The following CORT variants were observed in gnomAD, a reference collection of about 807,000 sequenced individuals.
The protein encoded by CORT is cortistatin, also known as cortistatin-14.
In CORT, 2 loss-of-function variants were observed where a neutral mutation model predicts 4.4. The ratio of observed to expected loss-of-function variants is 0.46; its 90% CI spans 0.19 to 1.44. The LOEUF (loss-of-function observed/expected upper bound fraction) is 1.44, where lower values mean the gene tolerates loss of function less well. Ranked by LOEUF, CORT falls within the 40% of genes most tolerant of loss-of-function variation. The pLI is 0.26. For missense variants in CORT, 158 were observed against 140.2 expected (o/e 1.13, Z -0.64); for synonymous variants, 72 against 62.0 (o/e 1.16, Z -0.75).
chr1:10,450,967 C>G (rs1640766580), intron 1 of CORT, among the ~76,000 whole-genome samples: 2 of 152,062 alleles, frequency 1.3e-5, no homozygotes, highest in Non-Finnish European at 2.9e-5. Flanking sequence ...GGAGTGTGGC[C>G]AAAGGTGGGA....
At position 10,450,175 on chromosome 1, in the gene CORT, A is replaced by C; in HGVS notation, c.-49A>C. ...AAACATTGATTTCAGGGCTGCCAGG[A>C]AGGAAGAGCAGCAGCAGGGTGGGAG... On this transcript the variant is annotated 5_prime_UTR_variant, in exon 1 of 2. Transcript: ENST00000377049. 6.2e-7 allele frequency: 1 copy of C among 1,610,592 alleles called. No individual in the cohort carries two copies. Among genetic ancestry groups the C allele is most frequent in the Non-Finnish European group, 8.5e-7 (1 of 1,178,566 alleles).
chr1:10,451,805 T>C lies in CORT; in HGVS notation c.*210T>C. On this transcript the variant is annotated 3_prime_UTR_variant, in exon 2 of 2. Coordinates refer to ENST00000377049, the MANE Select transcript of CORT (RefSeq NM_001302.5). The stretch of plus-strand genomic sequence containing the variant: ...AGATTTTTTTGTGGTTCGACTGGAC[T>C]GTGCTGAGTGCGGGCACTGGGCTTT... 2 of 738,700 alleles carry C rather than the reference T, an allele frequency of 2.7e-6. No individual in the cohort carries two copies. The highest frequency in any genetic ancestry group is 4.0e-6 in the Non-Finnish European group (2 of 496,996). The allele number at this position is 738,700 out of a possible 1,614,324, so 45.8% of individuals were successfully genotyped here.
intron 1 of CORT, 83 bp downstream of exon 1, chr1:10,450,405 GCA>G: frequency 7.6e-7 from 1 of 1,312,572 alleles, no homozygotes; most frequent in Non-Finnish European, 9.9e-7. Flanking sequence ...GTGTGTGTGT[GCA>G]CGTGTGTTGC....
rs1315765597 is a variant in CORT, at chr1:10,451,663, A to T, written c.*68A>T. The T allele has an allele frequency of 6.7e-7, 1 of 1,490,928 alleles. No homozygotes were observed. The highest frequency in any genetic ancestry group is 9.0e-7 in the Non-Finnish European group (1 of 1,116,836). 92.4% of individuals were successfully genotyped at this position (1,490,928 alleles called of 1,614,324 possible). A position where few individuals can be genotyped will look rare whatever the true frequency, so the allele number is the denominator to read the frequency against. On this transcript the variant is annotated 3_prime_UTR_variant, in exon 2 of 2. Coordinates refer to ENST00000377049, the MANE Select transcript of CORT (RefSeq NM_001302.5). ...GAATAAAATGTATTAAGCAGCAGTGATCTTTCCTCTCCTCCTTCCCAAGTC... is the reference window on the plus strand; with the variant it reads ...GAATAAAATGTATTAAGCAGCAGTGTTCTTTCCTCTCCTCCTTCCCAAGTC...
rs1570085405 is a variant in CORT at position 10,450,233 on chromosome 1, T to C, written c.10T>C (p.Ser4Pro). Residue 4 changes from serine (S) to proline (P), a missense_variant, in exon 1 of 2, where the codon TCC becomes CCC. By Grantham distance (74) the Ser-to-Pro change is moderately conservative. Transcript: ENST00000377049. MPL[S>P]PGLLLLLLSG... ...CCAGTCAGCCCACAAGATGCCATTGTCCCCCGGCCTCCTGCTGCTGCTGCT... is the reference window on the plus strand; with the variant it reads ...CCAGTCAGCCCACAAGATGCCATTGCCCCCCGGCCTCCTGCTGCTGCTGCT... 17 of 1,587,796 alleles carry C rather than the reference T, an allele frequency of 1.1e-5. No individual in the cohort carries two copies. Among genetic ancestry groups the C allele is most frequent in the Non-Finnish European group, 1.5e-5 (17 of 1,166,562 alleles).
chr1:10,451,788 T>C lies in CORT; in HGVS notation c.*193T>C. 1 of 990,262 alleles carries C rather than the reference T, an allele frequency of 1.0e-6. No homozygotes were observed. The highest frequency in any genetic ancestry group is 1.4e-6 in the Non-Finnish European group (1 of 712,310). The allele number at this position is 990,262 out of a possible 1,614,324, so 61.3% of individuals were successfully genotyped here. On this transcript the variant is annotated 3_prime_UTR_variant, in exon 2 of 2. Transcript: ENST00000377049. ...GTGAAGATCTTTGATAAAGATTTTT[T>C]TGTGGTTCGACTGGACTGTGCTGAG...
Position 10,451,562 on chromosome 1 carries a change from C to A in CORT, c.285C>A (p.Asn95Lys). 1 of 1,613,600 alleles carries A rather than the reference C, an allele frequency of 6.2e-7. No homozygotes were observed. Among genetic ancestry groups the A allele is most frequent in the South Asian group, 1.1e-5 (1 of 91,014 alleles). ...GCCGGGACAGAATGCCCTGCAGGAACTTCTTCTGGAAGACCTTCTCCTCCT... is the reference window on the plus strand; with the variant it reads ...GCCGGGACAGAATGCCCTGCAGGAAATTCTTCTGGAAGACCTTCTCCTCCT... The part of the protein sequence containing the change: ...SARRDRMPCR[N>K]FFWKTFSSCK Residue 95 changes from asparagine (N) to lysine (K), a missense_variant, in exon 2 of 2, where the codon AAC becomes AAA. By Grantham distance (94) the Asn-to-Lys change is moderately conservative (BLOSUM62 0). Transcript: ENST00000377049.
At position 10,451,775 on chromosome 1, in the gene CORT, G is replaced by T; in HGVS notation, c.*180G>T. ...TTTGGAACCCAAAGTGAAGATCTTT[G>T]ATAAAGATTTTTTTGTGGTTCGACT... On this transcript the variant is annotated 3_prime_UTR_variant, in exon 2 of 2. Coordinates refer to ENST00000377049, the MANE Select transcript of CORT (RefSeq NM_001302.5). 3.6e-6 allele frequency: 4 copies of T among 1,104,986 alleles called. No individual in the cohort carries two copies. Among genetic ancestry groups the T allele is most frequent in the Non-Finnish European group, 4.9e-6 (4 of 814,578 alleles). 68.4% of individuals were successfully genotyped at this position (1,104,986 alleles called of 1,614,324 possible).
At position 10,451,273 on chromosome 1, in the gene CORT, A is replaced by T. The variant is rs576145148; in HGVS notation, c.100-104A>T. 1.1e-3 allele frequency: 1,316 copies of T among 1,202,592 alleles called. 9 individuals carry two copies. The African/African-American group carries it at 0.017, about 16-fold the overall frequency. The allele number at this position is 1,202,592 out of a possible 1,614,324, so 74.5% of individuals were successfully genotyped here. ...TTTCTCCAGGGTAGTCTTTTAGATC[A>T]TTTTTTTTTTTAAGTAAGGAGGAGA... On this transcript the variant is annotated intron_variant, in intron 1 of 1. Transcript: ENST00000377049.
Position 10,450,172 on chromosome 1 carries a change from A to C in CORT, c.-52A>C. Reference sequence around the variant, plus strand: ...CCAAAACATTGATTTCAGGGCTGCCAGGAAGGAAGAGCAGCAGCAGGGTGG... The same window carrying C: ...CCAAAACATTGATTTCAGGGCTGCCCGGAAGGAAGAGCAGCAGCAGGGTGG... On this transcript the variant is annotated 5_prime_UTR_variant, in exon 1 of 2. Coordinates refer to ENST00000377049, the MANE Select transcript of CORT (RefSeq NM_001302.5). 1.2e-6 allele frequency: 2 copies of C among 1,610,594 alleles called. No homozygotes were observed. Among genetic ancestry groups the C allele is most frequent in the Non-Finnish European group, 1.7e-6 (2 of 1,178,598 alleles).
chr1:10,450,436 G>C (rs1053963881), intron 1 of CORT, 114 bp downstream of exon 1: 6 of 1,147,350 alleles, frequency 5.2e-6, no homozygotes, highest in Middle Eastern at 3.2e-4. Context: ...GCTTGGACAG[G>C]ACACACGGCT....
chr1:10,450,041 G>A lies in CORT; in HGVS notation c.-183G>A, dbSNP rs749984934. 4.0e-6 allele frequency: 6 copies of A among 1,490,500 alleles called. No individual in the cohort carries two copies. The highest frequency in any genetic ancestry group is 4.4e-5 in the Admixed American group (2 of 44,968). 92.3% of individuals were successfully genotyped at this position (1,490,500 alleles called of 1,614,324 possible). A position where few individuals can be genotyped will look rare whatever the true frequency, so the allele number is the denominator to read the frequency against. ...TGCTCCAGCTTCTGCGTCACTGCGC[G>A]AGGGAAGAGGGAAGAGGATCCAGGC... On this transcript the variant is annotated 5_prime_UTR_variant, in exon 1 of 2. Coordinates refer to ENST00000377049, the MANE Select transcript of CORT (RefSeq NM_001302.5).
intron 1 of CORT, among the ~76,000 whole-genome samples, chr1:10,450,940 C>A (rs922144904): frequency 1.3e-5 from 2 of 152,130 alleles, no homozygotes; most frequent in African/African-American, 4.8e-5. Context: ...TCTCAGAAAG[C>A]AACTTGTGAA....
intron 1 of CORT, among the ~76,000 whole-genome samples, 199 bp downstream of exon 1, chr1:10,450,521 C>T (rs186693312): frequency 1.4e-4 from 22 of 152,296 alleles, no homozygotes; most frequent in Non-Finnish European, 2.5e-4. Context: ...AGTTACATGT[C>T]CCAACCCATG....
Position 10,450,297 on chromosome 1 carries a change from G to C in CORT, c.74G>C (p.Gly25Ala), listed in dbSNP as rs1418887367. Residue 25 changes from glycine to alanine, a missense_variant, in exon 1 of 2, where the codon GGT becomes GCT. Physicochemically the swap from Gly to Ala is moderately conservative, Grantham distance 60. Coordinates refer to ENST00000377049, the MANE Select transcript of CORT (RefSeq NM_001302.5). ...GCCACCGCTGCCCTGCCCCTGGAGG[G>C]TGGCCCCACCGGCCGAGACAGCGAG... ...ATATAALPLEGGPTGRDSEHM... is the reference protein window; with the variant it reads ...ATATAALPLEAGPTGRDSEHM... 1 of 1,519,916 alleles carries C rather than the reference G, an allele frequency of 6.6e-7. No homozygotes were observed. The highest frequency in any genetic ancestry group is 8.8e-7 in the Non-Finnish European group (1 of 1,134,234). 94.2% of individuals were successfully genotyped at this position (1,519,916 alleles called of 1,614,324 possible). A position where few individuals can be genotyped will look rare whatever the true frequency, so the allele number is the denominator to read the frequency against.
Position 10,451,463 on chromosome 1 carries a change from C to G in CORT, c.186C>G (p.Ala62=). Residue 62 remains alanine, a synonymous_variant, in exon 2 of 2, where the codon GCC becomes GCG. Coordinates refer to ENST00000377049, the MANE Select transcript of CORT (RefSeq NM_001302.5). The stretch of plus-strand genomic sequence containing the variant: ...TTGAGTGGACCTCCCAGGCCAGTGC[C>G]GGGCCCCTCATAGGAGAGGAAGCCC... ...WWFEWTSQAS[A]GPLIGEEARE... 6.2e-7 allele frequency: 1 copy of G among 1,614,092 alleles called. No individual in the cohort carries two copies. The highest frequency in any genetic ancestry group is 2.2e-5 in the East Asian group (1 of 44,888).
At chr1:10,450,534 G>A (rs1012306194) in intron 1 of CORT, among the ~76,000 whole-genome samples, 2 of 152,184 alleles carry the variant, frequency 1.3e-5, no homozygotes, top group Non-Finnish European at 2.9e-5. Flanking sequence ...AACCCATGAA[G>A]CCTGCTGGAA....
chr1:10,451,725 C>T lies in CORT; in HGVS notation c.*130C>T. 1 of 1,370,842 alleles carries T rather than the reference C, an allele frequency of 7.3e-7. No individual in the cohort carries two copies. Among genetic ancestry groups the T allele is most frequent in the Non-Finnish European group, 9.7e-7 (1 of 1,034,806 alleles). 84.9% of individuals were successfully genotyped at this position (1,370,842 alleles called of 1,614,324 possible). A position where few individuals can be genotyped will look rare whatever the true frequency, so the allele number is the denominator to read the frequency against. ...GTTTGTTATTTAAATTCCAATAATG[C>T]CCAATACTGACGTGTCTTGAGTAAT... On this transcript the variant is annotated 3_prime_UTR_variant, in exon 2 of 2. Transcript: ENST00000377049.
Position 10,451,744 on chromosome 1 carries a change from G to A in CORT, c.*149G>A. The A allele has an allele frequency of 7.8e-7, 1 of 1,285,388 alleles. No homozygotes were observed. Among genetic ancestry groups the A allele is most frequent in the Non-Finnish European group, 1.0e-6 (1 of 972,360 alleles). 79.6% of individuals were successfully genotyped at this position (1,285,388 alleles called of 1,614,324 possible). A position where few individuals can be genotyped will look rare whatever the true frequency, so the allele number is the denominator to read the frequency against. ...ATAATGCCCAATACTGACGTGTCTT[G>A]AGTAATTTGGAACCCAAAGTGAAGA... On this transcript the variant is annotated 3_prime_UTR_variant, in exon 2 of 2. Coordinates refer to ENST00000377049, the MANE Select transcript of CORT (RefSeq NM_001302.5).
Sources: gnomAD v4.1 joint callset for allele counts (sites outside exome capture counted in the v4.1 genomes callset) on GRCh38, gnomAD v4.1.1 for gene constraint, MANE v1.5 for transcripts, NCBI Gene and HGNC (gene_info 2026-07-23, HGNC 2026-07-21) for gene names.